The following KHDRBS2 variants were observed in gnomAD, a reference collection of about 807,000 sequenced individuals.
KHDRBS2 encodes the protein KH RNA binding domain containing, signal transduction associated 2.
A neutral mutation model predicts 44.3 loss-of-function variants in KHDRBS2; 26 were observed. The observed-to-expected ratio is 0.59, with a 90% CI of 0.43 to 0.81. KHDRBS2 has a LOEUF of 0.81. KHDRBS2 is among the 40% of genes least tolerant of loss of function. The pLI is 0.00. For synonymous variants in KHDRBS2, 194 were observed against 151.1 expected (o/e 1.28, Z -2.08); for missense variants, 476 against 433.1 (o/e 1.10, Z -0.88).
At chr6:62,042,982 A>C (rs1259149761) in intron 3 of KHDRBS2, among the ~76,000 whole-genome samples, 2 of 152,096 alleles carry the variant, frequency 1.3e-5, no homozygotes, top group Non-Finnish European at 2.9e-5. Context: ...CTTTCATTAC[A>C]ACATAATTTG....
At chr6:61,843,018 T>C (rs1793823117) in intron 6 of KHDRBS2, among the ~76,000 whole-genome samples, 1 of 152,054 alleles carries the variant, frequency 6.6e-6, no homozygotes, top group Non-Finnish European at 1.5e-5. Flanking sequence ...AACAAAGTTC[T>C]GATACATGTT....
At position 61,945,110 on chromosome 6, in the gene KHDRBS2, AAAGTATATATATATATATAT is replaced by A. The variant is rs1198984503; in HGVS notation, c.483+32936_483+32955del. Among the ~76,000 whole-genome samples the A allele has an allele frequency of 3.9e-4, 18 of 46,272 alleles. 3 individuals are homozygous for A. Among genetic ancestry groups the A allele is most frequent in the Middle Eastern group, 0.016 (1 of 64 alleles). 30.4% of individuals were successfully genotyped at this position (46,272 alleles called of 152,430 possible). A position where few individuals can be genotyped will look rare whatever the true frequency, so the allele number is the denominator to read the frequency against. On this transcript the variant is annotated intron_variant, in intron 4 of 8. Transcript: ENST00000281156. ...TGTCTTAAAAAAAAAAAAAAAAAAA[AAAGTATATATATATATATAT>A]ATATATATATATATATATATACACA...
the KHDRBS2 span, among the ~76,000 whole-genome samples, chr6:61,581,104 A>C: frequency 6.6e-6 from 1 of 152,156 alleles, no homozygotes; most frequent in East Asian, 1.9e-4. Flanking sequence ...CCCCTTTTCT[A>C]CTCATCCCCA....
At chr6:61,954,762 A>G (rs1387024134) in intron 4 of KHDRBS2, among the ~76,000 whole-genome samples, 24 of 111,846 alleles carry the variant, frequency 2.1e-4, no homozygotes, top group Non-Finnish European at 3.0e-4. Flanking sequence ...ATGCATATGT[A>G]TGTATACATA....
intron 1 of KHDRBS2, among the ~76,000 whole-genome samples, chr6:62,244,753 C>A (rs771109052): frequency 2.0e-5 from 3 of 152,052 alleles, no homozygotes; most frequent in African/African-American, 4.8e-5. Context: ...CCGAAGTCAG[C>A]CTTTTTGTAT....
At position 61,930,973 on chromosome 6, in the gene KHDRBS2, G is replaced by C. The variant is rs567934226; in HGVS notation, c.484-29602C>G. On this transcript the variant is annotated intron_variant, in intron 4 of 8. Coordinates refer to ENST00000281156, the MANE Select transcript of KHDRBS2 (RefSeq NM_152688.4). ...CTCAGGTGGATAGAAATATTCTGGT[G>C]ACAATTTTTGTTTCAAATAAGCAAC... 1.4e-4 allele frequency among the ~76,000 whole-genome samples: 21 copies of C among 152,050 alleles called. No homozygotes were observed. The South Asian group carries it at 4.1e-3, about 30-fold the overall frequency.
At chr6:62,219,947 T>C (rs1329206567) in intron 1 of KHDRBS2, among the ~76,000 whole-genome samples, 1 of 147,840 alleles carries the variant, frequency 6.8e-6, no homozygotes, top group African/African-American at 2.4e-5. Context: ...ATAGTATATA[T>C]ATAACTGTAT....
intron 1 of KHDRBS2, among the ~76,000 whole-genome samples, chr6:62,239,921 G>T (rs112106595): frequency 0.055 from 8,378 of 152,080 alleles, 315 homozygotes; most frequent in Non-Finnish European, 0.071. Flanking sequence ...CTGACCTCAG[G>T]TGGTCCACCT....
intron 2 of KHDRBS2, among the ~76,000 whole-genome samples, chr6:62,165,794 C>T (rs1390007750): frequency 6.6e-6 from 1 of 151,914 alleles, no homozygotes; most frequent in African/African-American, 2.4e-5. Context: ...CTTAGCCTAC[C>T]CAGTAGCTGG....
At chr6:62,071,536 T>A (rs145821667) in intron 2 of KHDRBS2, among the ~76,000 whole-genome samples, 4,509 of 152,284 alleles carry the variant, frequency 0.03, 242 homozygotes, top group African/African-American at 0.1. Context: ...AAGGAAGAGA[T>A]CCAGTTTCAG....
chr6:61,665,651 T>A, the KHDRBS2 span, among the ~76,000 whole-genome samples: 1 of 151,372 alleles, frequency 6.6e-6, no homozygotes. Context: ...CTTATTCATT[T>A]ATGTAAGTAA....
chr6:61,861,686 G>T (rs1797001771), intron 6 of KHDRBS2, among the ~76,000 whole-genome samples: 1 of 149,352 alleles, frequency 6.7e-6, no homozygotes, highest in African/African-American at 2.5e-5. Context: ...GGATTGCCTT[G>T]GCTATTCAGG....
Position 62,083,653 on chromosome 6 carries a change from C to T in KHDRBS2, c.220-35659G>A, listed in dbSNP as rs563080774. 2.8e-4 allele frequency among the ~76,000 whole-genome samples: 43 copies of T among 152,262 alleles called. No homozygotes were observed. In the South Asian group the frequency reaches 8.9e-3, roughly 32 times the overall value. On this transcript the variant is annotated intron_variant, in intron 2 of 8. Transcript: ENST00000281156. Reference sequence around the variant, plus strand: ...TCAGAAGTGCTCATCCCTACCTCTGCACCCACTCACCTGCATGCTCCACCT... The same window carrying T: ...TCAGAAGTGCTCATCCCTACCTCTGTACCCACTCACCTGCATGCTCCACCT...
chr6:61,969,549 T>C (rs555901974), intron 4 of KHDRBS2, among the ~76,000 whole-genome samples: 20 of 152,196 alleles, frequency 1.3e-4, no homozygotes, highest in Non-Finnish European at 2.4e-4. Context: ...GTAAAACATT[T>C]CTTTTTTCAC....
intron 7 of KHDRBS2, among the ~76,000 whole-genome samples, chr6:61,717,622 T>G (rs1385400820): frequency 6.6e-6 from 1 of 152,106 alleles, no homozygotes; most frequent in Non-Finnish European, 1.5e-5. Flanking sequence ...CTTAAATGAA[T>G]AGGACAAGCT....
the KHDRBS2 span, among the ~76,000 whole-genome samples, chr6:61,594,946 C>T: frequency 1.3e-5 from 2 of 152,010 alleles, no homozygotes; most frequent in African/African-American, 2.4e-5. Flanking sequence ...GAAAAGGTTT[C>T]AGAAAGCAAA....
chr6:61,572,151 A>G, the KHDRBS2 span, among the ~76,000 whole-genome samples: 1 of 152,166 alleles, frequency 6.6e-6, no homozygotes. Context: ...AACTGATATC[A>G]CAGAAATACA....
At chr6:61,835,770 A>G (rs1214291799) in intron 6 of KHDRBS2, among the ~76,000 whole-genome samples, 2 of 151,478 alleles carry the variant, frequency 1.3e-5, no homozygotes, top group Non-Finnish European at 3.0e-5. Flanking sequence ...AGAGAGAGAG[A>G]GAGACTTCTA....
chr6:61,820,024 C>T (rs1050558175), intron 6 of KHDRBS2, among the ~76,000 whole-genome samples: 4 of 152,052 alleles, frequency 2.6e-5, no homozygotes, highest in African/African-American at 9.7e-5. Flanking sequence ...TTCATTAACT[C>T]GTGCAAACTA....
Sources: allele counts gnomAD v4.1 joint callset (sites outside exome capture counted in the v4.1 genomes callset), GRCh38; gene constraint gnomAD v4.1.1; transcripts MANE v1.5; gene names NCBI Gene and HGNC (gene_info 2026-07-23, HGNC 2026-07-21).